Variants in FOCAD observed in about 807,000 individuals in gnomAD.
FOCAD encodes the protein focadhesin, also known as KIAA1797.
A neutral mutation model predicts 225.6 loss-of-function variants in FOCAD; 198 were observed. That is an observed-to-expected ratio of 0.88 (90% CI 0.78 to 0.99). The LOEUF (loss-of-function observed/expected upper bound fraction) is 0.99. FOCAD is among the 50% of genes least tolerant of loss of function. FOCAD has a pLI of 0.00. For missense variants in FOCAD, 2,713 were observed against 2,123.6 expected (o/e 1.28, Z -5.46); for synonymous variants, 897 against 755.0 (o/e 1.19, Z -3.08).
At chr9:20,720,022 T>G (rs139865752) in intron 3 of FOCAD, among the ~76,000 whole-genome samples, 2,245 of 152,256 alleles carry the variant, frequency 0.015, 48 homozygotes, top group African/African-American at 0.052. Context: ...GGAGTTCAAC[T>G]CAGGCTAGCT....
chr9:20,892,600 A>G (rs754087096), intron 21 of FOCAD, among the ~76,000 whole-genome samples: 2 of 152,128 alleles, frequency 1.3e-5, no homozygotes, highest in Non-Finnish European at 2.9e-5. Context: ...TGCTACCGTC[A>G]TGAGGAGTTG....
intron 23 of FOCAD, 42 bp from the exon 24 acceptor site, chr9:20,916,851 G>A: frequency 1.3e-6 from 2 of 1,553,462 alleles, no homozygotes; most frequent in Non-Finnish European, 8.7e-7. Flanking sequence ...ATGATTTCTT[G>A]TTCTAACATA....
intron 6 of FOCAD, among the ~76,000 whole-genome samples, chr9:20,760,700 C>T (rs115636054): frequency 9.2e-5 from 14 of 152,082 alleles, no homozygotes; most frequent in East Asian, 7.7e-4. Context: ...CTTACAGTTG[C>T]GACATTATCA....
chr9:20,798,525 G>A (rs527482061), intron 11 of FOCAD, among the ~76,000 whole-genome samples: 3 of 152,196 alleles, frequency 2.0e-5, no homozygotes, highest in South Asian at 4.2e-4. Flanking sequence ...CAATTTCAGA[G>A]CCTGTTATTG....
intron 35 of FOCAD, among the ~76,000 whole-genome samples, chr9:20,965,783 A>G (rs866762919): frequency 1.3e-5 from 2 of 152,304 alleles, no homozygotes; most frequent in African/African-American, 4.8e-5. Context: ...GGAACCATAC[A>G]ATATGTGGCC....
rs750550643 is a variant in FOCAD, at chr9:20,822,982, C to G, written c.1794-7C>G. On this transcript the variant is annotated splice_polypyrimidine_tract_variant and splice_region_variant and intron_variant, in intron 14 of 43. Coordinates refer to ENST00000338382, the MANE Select transcript of FOCAD (RefSeq NM_001375567.1). ...TAATTTTGCTTTTAAACTTTCATTT[C>G]TTGTAGGCCATATCAACATGGTGCA... 6.3e-6 allele frequency: 10 copies of G among 1,577,286 alleles called. No individual in the cohort carries two copies. Among genetic ancestry groups the G allele is most frequent in the Admixed American group, 2.0e-5 (1 of 50,184 alleles).
Position 20,929,462 on chromosome 9 carries a change from G to A in FOCAD, c.3183G>A (p.Lys1061=). The change falls in exon 27 of 44, where the codon AAG becomes AAA. Residue 1061 remains lysine (K), a synonymous_variant. Coordinates refer to ENST00000338382, the MANE Select transcript of FOCAD (RefSeq NM_001375567.1). ...TTTTCATTATCTCTTGCAAAGAGAAGGTTGAGGAAATCCTGAACATGCTGA... is the reference window on the plus strand; with the variant it reads ...TTTTCATTATCTCTTGCAAAGAGAAAGTTGAGGAAATCCTGAACATGCTGA... ...VPVFIISCKE[K]VEEILNMLTA... The A allele has an allele frequency of 1.2e-6, 2 of 1,614,128 alleles. No homozygotes were observed. The highest frequency in any genetic ancestry group is 8.5e-7 in the Non-Finnish European group (1 of 1,180,020).
At chr9:20,775,078 G>A (rs1214026395) in intron 8 of FOCAD, among the ~76,000 whole-genome samples, 1 of 152,172 alleles carries the variant, frequency 6.6e-6, no homozygotes, top group East Asian at 1.9e-4. Context: ...TCAGCTGGAT[G>A]TCTTGTTCAA....
intron 35 of FOCAD, among the ~76,000 whole-genome samples, chr9:20,954,705 A>G (rs1182447707): frequency 6.6e-6 from 1 of 152,246 alleles, no homozygotes; most frequent in Admixed American, 6.5e-5. Context: ...TAAAACAAAT[A>G]AATGAAGTAT....
intron 15 of FOCAD, among the ~76,000 whole-genome samples, chr9:20,855,276 A>G (rs1048695866): frequency 6.6e-6 from 1 of 151,680 alleles, no homozygotes; most frequent in African/African-American, 2.4e-5. Context: ...TATTTTTCTA[A>G]CATTAAATAT....
At chr9:20,735,501 C>T (rs1463520247) in intron 4 of FOCAD, among the ~76,000 whole-genome samples, 1 of 151,028 alleles carries the variant, frequency 6.6e-6, no homozygotes, top group East Asian at 1.9e-4. Context: ...CCCTCCCCTC[C>T]CTTCCCCTCC....
chr9:20,755,067 G>A (rs765190164), intron 5 of FOCAD, among the ~76,000 whole-genome samples: 5 of 152,144 alleles, frequency 3.3e-5, no homozygotes, highest in Non-Finnish European at 5.9e-5. Flanking sequence ...TGGTATGTTA[G>A]TAATCAAATG....
intron 11 of FOCAD, among the ~76,000 whole-genome samples, chr9:20,815,692 A>G (rs112098849): frequency 0.03 from 4,513 of 152,198 alleles, 104 homozygotes; most frequent in Non-Finnish European, 0.043. Context: ...AAGAGAAAGC[A>G]TTGAGTTATA....
At chr9:20,668,176 C>G (rs1821950694) in intron 2 of FOCAD, among the ~76,000 whole-genome samples, 1 of 152,068 alleles carries the variant, frequency 6.6e-6, no homozygotes, top group Non-Finnish European at 1.5e-5. Flanking sequence ...ATTGTAATGA[C>G]AAATTTCCCT....
chr9:20,856,906 G>C (rs1255853668), intron 15 of FOCAD, among the ~76,000 whole-genome samples: 1 of 151,914 alleles, frequency 6.6e-6, no homozygotes, highest in Non-Finnish European at 1.5e-5. Context: ...GCAGATATGT[G>C]GATTTATTTC....
At position 20,821,055 on chromosome 9, in the gene FOCAD, G is replaced by C. The variant is rs1824271328; in HGVS notation, c.1777G>C (p.Asp593His). ...GATTGCAAAAGCAGCATCAATCAGAGATATATGTAAGCAGAGGTATGATGT... is the reference window on the plus strand; with the variant it reads ...GATTGCAAAAGCAGCATCAATCAGACATATATGTAAGCAGAGGTATGATGT... ...KLIAKAASIR[D>H]ICKQRPYQHG... Residue 593 changes from aspartate (D) to histidine (H), a missense_variant, in exon 14 of 44, where the codon GAT (aspartate) becomes CAT (histidine). Coordinates refer to ENST00000338382, the MANE Select transcript of FOCAD (RefSeq NM_001375567.1). 8.1e-6 allele frequency: 13 copies of C among 1,612,332 alleles called. No homozygotes were observed. Among genetic ancestry groups the C allele is most frequent in the Non-Finnish European group, 1.1e-5 (13 of 1,178,968 alleles).
chr9:20,949,699 T>A, intron 33 of FOCAD, 24 bp downstream of exon 33: 1 of 1,578,620 alleles, frequency 6.3e-7, no homozygotes, highest in Non-Finnish European at 8.7e-7. Context: ...TTTAAAATCC[T>A]TGGGTGGAAA....
Position 20,946,701 on chromosome 9 carries a change from G to A in FOCAD, c.3556G>A (p.Val1186Ile), listed in dbSNP as rs776980948. ...TTTTTCTGCTGTATTTTCTTCTCAG[G>A]TCCTTGCCTACACACTTAGCTGTGT... ...SGSQSRTFQE[V>I]LAYTLSCVCT... The change falls in exon 30 of 44, where the codon GTC (valine) becomes ATC (isoleucine). Residue 1186 changes from valine to isoleucine, a missense_variant and splice_region_variant. Physicochemically the swap from Val to Ile is conservative, Grantham distance 29. Transcript: ENST00000338382. 2.4e-5 allele frequency: 38 copies of A among 1,609,136 alleles called. No individual in the cohort carries two copies. The highest frequency in any genetic ancestry group is 6.7e-5 in the African/African-American group (5 of 74,410).
At chr9:20,923,155 G>GT (rs1834612881) in intron 24 of FOCAD, among the ~76,000 whole-genome samples, 1 of 152,180 alleles carries the variant, frequency 6.6e-6, no homozygotes, top group Admixed American at 6.6e-5. Flanking sequence ...ATAAAAATGA[G>GT]TAAGAAAAGC....
Sources: gnomAD v4.1 joint callset for allele counts (sites outside exome capture counted in the v4.1 genomes callset) on GRCh38, gnomAD v4.1.1 for gene constraint, MANE v1.5 for transcripts, NCBI Gene and HGNC (gene_info 2026-07-23, HGNC 2026-07-21) for gene names.